JAZF1: variants seen among roughly 807,000 people sequenced by gnomAD.
The protein encoded by JAZF1 is juxtaposed with another zinc finger protein 1.
In JAZF1, 8 loss-of-function variants were observed where a neutral mutation model predicts 26.4. The observed-to-expected ratio is 0.30, with a 90% confidence interval of 0.18 to 0.55. JAZF1 has a LOEUF of 0.55. Among genes scored for constraint, JAZF1 ranks in the 20% least tolerant of loss-of-function variants. The pLI, the probability that JAZF1 is intolerant of heterozygous loss-of-function variation, is 0.94. For missense variants in JAZF1, 199 were observed against 322.0 expected (o/e 0.62, Z 2.92); for synonymous variants, 126 against 122.3 (o/e 1.03, Z -0.20).
chr7:28,119,636 G>A (rs1464335296), intron 1 of JAZF1, among the ~76,000 whole-genome samples: 1 of 152,090 alleles, frequency 6.6e-6, no homozygotes, highest in Non-Finnish European at 1.5e-5. Context: ...CCACATGGCT[G>A]CCATGGACCT....
rs937024848 is a variant in JAZF1 at position 27,924,979 on chromosome 7, A to G, written c.189-29563T>C. Among the ~76,000 whole-genome samples, 6 of 152,336 alleles carry G rather than the reference A, an allele frequency of 3.9e-5. No individual in the cohort carries two copies. The South Asian group carries it at 6.2e-4, about 16-fold the overall frequency. On this transcript the variant is annotated intron_variant, in intron 2 of 4. Coordinates refer to ENST00000283928, the MANE Select transcript of JAZF1 (RefSeq NM_175061.4). ...AGCTAAAGACAAATGCCAGACATAT[A>G]TTTTTAAAAATAGGGTTATTCCCTT...
At chr7:27,837,608 C>T (rs1321134525) in intron 4 of JAZF1, among the ~76,000 whole-genome samples, 1 of 151,704 alleles carries the variant, frequency 6.6e-6, no homozygotes, top group Non-Finnish European at 1.5e-5. Flanking sequence ...CTATGAGGGG[C>T]GGAGAGGGGA....
intron 2 of JAZF1, among the ~76,000 whole-genome samples, chr7:27,959,081 T>G (rs1785148008): frequency 6.6e-6 from 1 of 152,180 alleles, no homozygotes; most frequent in Non-Finnish European, 1.5e-5. Flanking sequence ...AAAAGACATG[T>G]TATTAACTTT....
At chr7:27,993,751 C>G (rs1785954542) in intron 1 of JAZF1, among the ~76,000 whole-genome samples, 1 of 152,138 alleles carries the variant, frequency 6.6e-6, no homozygotes, top group Non-Finnish European at 1.5e-5. Flanking sequence ...TAGAAAATTT[C>G]TCAAGTGCTC....
intron 1 of JAZF1, among the ~76,000 whole-genome samples, chr7:28,142,197 A>T (rs955845493): frequency 6.6e-6 from 1 of 152,202 alleles, no homozygotes; most frequent in African/African-American, 2.4e-5. Context: ...CTGCCCATAA[A>T]CATCATCTGG....
Position 27,841,035 on chromosome 7 carries a change from C to G in JAZF1, c.386-168G>C, listed in dbSNP as rs908937700. 17 of 627,234 alleles carry G rather than the reference C, an allele frequency of 2.7e-5. No individual in the cohort carries two copies. The Admixed American group carries it at 4.5e-4, about 16-fold the overall frequency. The allele number at this position is 627,234 out of a possible 1,614,324, so 38.9% of individuals were successfully genotyped here. A position where few individuals can be genotyped will look rare whatever the true frequency, so the allele number is the denominator to read the frequency against. On this transcript the variant is annotated intron_variant, in intron 3 of 4. Transcript: ENST00000283928. ...TGCAAACACGGCTATTCCCTTACAA[C>G]CCTGGAAGCAGGAGCCCTGCGTTCC...
intron 1 of JAZF1, among the ~76,000 whole-genome samples, chr7:28,117,681 C>T (rs1784768526): frequency 6.6e-6 from 1 of 152,182 alleles, no homozygotes; most frequent in Non-Finnish European, 1.5e-5. Flanking sequence ...TTTATAAACT[C>T]ATGGTTCTAA....
At chr7:27,876,524 G>A (rs935612221) in intron 3 of JAZF1, among the ~76,000 whole-genome samples, 1 of 152,250 alleles carries the variant, frequency 6.6e-6, no homozygotes, top group Non-Finnish European at 1.5e-5. Context: ...AGTACTTAAA[G>A]CAGAAAGAGG....
chr7:27,839,186 C>T (rs914981324), intron 4 of JAZF1, among the ~76,000 whole-genome samples: 10 of 152,278 alleles, frequency 6.6e-5, no homozygotes, highest in East Asian at 1.9e-4. Flanking sequence ...TGTTTTTTGG[C>T]GGGTCAGCCG....
At chr7:27,998,071 A>AAGGAAGGAAGGAAGGAAGGCAGGC (rs10691690) in intron 1 of JAZF1, among the ~76,000 whole-genome samples, 104 of 111,580 alleles carry the variant, frequency 9.3e-4, no homozygotes, top group African/African-American at 4.1e-3. Flanking sequence ...GGAAGGAAGG[A>AAGGAAGGAAGGAAGGAAGGCAGGC]AGGCAGGCAG....
intron 1 of JAZF1, among the ~76,000 whole-genome samples, chr7:28,005,284 C>T (rs1367223270): frequency 1.3e-5 from 2 of 152,138 alleles, no homozygotes; most frequent in Non-Finnish European, 2.9e-5. Context: ...TGTCATTATT[C>T]ACCTTGGTAA....
chr7:28,020,435 CG>C, intron 1 of JAZF1: 1 of 375,066 alleles, frequency 2.7e-6, no homozygotes, highest in Non-Finnish European at 5.4e-6. Context: ...AGGAAACAAA[CG>C]AGGAGAGCCA....
intron 2 of JAZF1, among the ~76,000 whole-genome samples, chr7:27,916,236 A>T (rs1784442184): frequency 6.6e-6 from 1 of 151,284 alleles, no homozygotes; most frequent in African/African-American, 2.4e-5. Context: ...CAAACCCAAC[A>T]TTTCAGTGAT....
intron 3 of JAZF1, among the ~76,000 whole-genome samples, chr7:27,856,570 T>G (rs1783258992): frequency 6.6e-6 from 1 of 152,208 alleles, no homozygotes; most frequent in South Asian, 2.1e-4. Flanking sequence ...TACAGAGAGC[T>G]GATTGGTCCA....
intron 2 of JAZF1, among the ~76,000 whole-genome samples, chr7:27,936,422 A>G (rs1054294635): frequency 6.6e-6 from 1 of 152,208 alleles, no homozygotes; most frequent in African/African-American, 2.4e-5. Context: ...CTATACCAAC[A>G]TGCTTCAACT....
At chr7:27,871,823 T>A (rs1288236099) in intron 3 of JAZF1, among the ~76,000 whole-genome samples, 1 of 152,200 alleles carries the variant, frequency 6.6e-6, no homozygotes, top group Non-Finnish European at 1.5e-5. Flanking sequence ...TGGGCAGAAC[T>A]TTTTCTGCCT....
chr7:28,081,777 C>T (rs1784141279), intron 1 of JAZF1, among the ~76,000 whole-genome samples: 1 of 152,020 alleles, frequency 6.6e-6, no homozygotes, highest in Non-Finnish European at 1.5e-5. Context: ...TTCCATCTTT[C>T]CAGAGAGAGA....
chr7:27,901,206 T>C (rs956846786), intron 2 of JAZF1, among the ~76,000 whole-genome samples: 8 of 152,222 alleles, frequency 5.3e-5, no homozygotes, highest in African/African-American at 1.9e-4. Flanking sequence ...AATTTCAACT[T>C]CCCTACAAAT....
intron 2 of JAZF1, among the ~76,000 whole-genome samples, chr7:27,908,267 T>C (rs916327946): frequency 6.6e-6 from 1 of 152,048 alleles, no homozygotes; most frequent in Non-Finnish European, 1.5e-5. Context: ...AAATTAGCAT[T>C]GTTGAAAGAT....
Sources: gnomAD v4.1 joint callset for allele counts (sites outside exome capture counted in the v4.1 genomes callset) on GRCh38, gnomAD v4.1.1 for gene constraint, MANE v1.5 for transcripts, NCBI Gene and HGNC (gene_info 2026-07-23, HGNC 2026-07-21) for gene names.